Variants in GALNT14 observed in about 807,000 individuals in gnomAD.
GALNT14 encodes the protein UDP-GalNAc:polypeptide N-acetylgalactosaminyltransferase 14.
A neutral mutation model predicts 77.5 loss-of-function variants in GALNT14; 60 were observed. The observed-to-expected ratio is 0.77, with a 90% confidence interval of 0.63 to 0.96. The LOEUF (loss-of-function observed/expected upper bound fraction) is 0.96. Among genes scored for constraint, GALNT14 ranks in the 40% least tolerant of loss-of-function variants. GALNT14 has a pLI of 0.00. For synonymous variants in GALNT14, 280 were observed against 281.7 expected, an observed-to-expected ratio of 0.99 and a Z score of 0.06; for missense variants, 710 against 731.0, an observed-to-expected ratio of 0.97 and a Z score of 0.33.
intron 1 of GALNT14, among the ~76,000 whole-genome samples, chr2:31,088,929 G>A (rs192082707): frequency 6.6e-6 from 1 of 152,278 alleles, no homozygotes; most frequent in African/African-American, 2.4e-5. Flanking sequence ...TAGCAAGAGG[G>A]GAAACAGCAG....
chr2:30,932,425 G>A (rs921713522), intron 9 of GALNT14, among the ~76,000 whole-genome samples: 4 of 152,210 alleles, frequency 2.6e-5, no homozygotes, highest in African/African-American at 7.2e-5. Flanking sequence ...AAACCAACAC[G>A]CTGGCCTCTG....
At position 30,910,926 on chromosome 2, in the gene GALNT14, T is replaced by C. The variant is rs1368956410; in HGVS notation, c.1634A>G (p.Gln545Arg). 6.2e-7 allele frequency: 1 copy of C among 1,613,994 alleles called. No individual in the cohort carries two copies. The highest frequency in any genetic ancestry group is 8.5e-7 in the Non-Finnish European group (1 of 1,180,012). Residue 545 changes from glutamine to arginine, a missense_variant, in exon 15 of 15, where the codon CAG (glutamine) becomes CGG (arginine). Transcript: ENST00000349752. ...TCAAGAGCTCACCATGTCCCAGTGC[T>C]GGCTCATGAGTGAGGACTCACATGG... The part of the protein sequence containing the change: ...VNPCESSLMS[Q>R]HWDMVSS
chr2:31,022,298 A>G (rs1353988408), intron 1 of GALNT14, among the ~76,000 whole-genome samples: 1 of 152,200 alleles, frequency 6.6e-6, no homozygotes, highest in Admixed American at 6.5e-5. Context: ...CACACCCCAA[A>G]TATGGGCGTG....
intron 1 of GALNT14, 45 bp downstream of exon 1, chr2:31,137,913 C>G: frequency 6.4e-7 from 1 of 1,572,002 alleles, no homozygotes; most frequent in South Asian, 1.1e-5. Flanking sequence ...TGCGCGCCCT[C>G]CCGCAAGCCA....
intron 1 of GALNT14, among the ~76,000 whole-genome samples, chr2:31,087,228 T>A (rs998068495): frequency 2.0e-5 from 3 of 152,136 alleles, no homozygotes; most frequent in Non-Finnish European, 4.4e-5. Context: ...CCTTTGTGGC[T>A]GAGGATGAAG....
At chr2:31,079,728 A>T (rs1353894023) in intron 1 of GALNT14, among the ~76,000 whole-genome samples, 1 of 152,196 alleles carries the variant, frequency 6.6e-6, no homozygotes. Flanking sequence ...GGCACAACAC[A>T]AAGTGGTGGT....
At chr2:30,890,705 G>T in the GALNT14 span, among the ~76,000 whole-genome samples, 1 of 152,208 alleles carries the variant, frequency 6.6e-6, no homozygotes, top group Non-Finnish European at 1.5e-5. Context: ...TGAGATGCCA[G>T]TCTGAAGCCA....
intron 1 of GALNT14, among the ~76,000 whole-genome samples, chr2:31,049,145 T>C (rs1359699864): frequency 6.6e-6 from 1 of 152,214 alleles, no homozygotes; most frequent in African/African-American, 2.4e-5. Flanking sequence ...TTGCATGCTT[T>C]CTTTGCAGTC....
chr2:30,901,151 T>A, the GALNT14 span, among the ~76,000 whole-genome samples: 2 of 152,068 alleles, frequency 1.3e-5, no homozygotes, highest in African/African-American at 4.8e-5. Flanking sequence ...GGCAAACCTT[T>A]CCTGAGGCAT....
intron 1 of GALNT14, among the ~76,000 whole-genome samples, chr2:31,008,217 T>C (rs1670797705): frequency 6.6e-6 from 1 of 152,152 alleles, no homozygotes; most frequent in Admixed American, 6.5e-5. Flanking sequence ...CCTGAGTAGC[T>C]GGCTGGGACT....
rs1667556502 is a variant in GALNT14, at chr2:30,959,414, A to G, written c.399-950T>C. Among the ~76,000 whole-genome samples, 3 of 152,242 alleles carry G rather than the reference A, an allele frequency of 2.0e-5. No individual in the cohort carries two copies. In the South Asian group the frequency reaches 6.2e-4, roughly 32 times the overall value. Reference sequence around the variant, plus strand: ...GTCCATAACTATTCCCTCGAGGGATATTTACTGAACACCTACTATGTGCTC... The same window carrying G: ...GTCCATAACTATTCCCTCGAGGGATGTTTACTGAACACCTACTATGTGCTC... On this transcript the variant is annotated intron_variant, in intron 3 of 14. Coordinates refer to ENST00000349752, the MANE Select transcript of GALNT14 (RefSeq NM_024572.4).
intron 1 of GALNT14, among the ~76,000 whole-genome samples, chr2:31,066,118 A>C (rs1674938889): frequency 6.6e-6 from 1 of 152,148 alleles, no homozygotes; most frequent in South Asian, 2.1e-4. Context: ...GGAGGCATAC[A>C]TGACAGGGCC....
intron 11 of GALNT14, among the ~76,000 whole-genome samples, chr2:30,925,460 G>T (rs970271334): frequency 5.3e-5 from 8 of 152,190 alleles, no homozygotes; most frequent in African/African-American, 1.9e-4. Flanking sequence ...TTGCTTGTCG[G>T]GTCCATGGTG....
At chr2:30,899,161 A>G in the GALNT14 span, among the ~76,000 whole-genome samples, 1 of 152,208 alleles carries the variant, frequency 6.6e-6, no homozygotes, top group East Asian at 1.9e-4. Flanking sequence ...ACATGGTCAC[A>G]CTAAAAGCAT....
rs1273247381 is a variant in GALNT14 at position 30,979,428 on chromosome 2, A to T, written c.300-13126T>A. Among the ~76,000 whole-genome samples the T allele has an allele frequency of 2.6e-5, 4 of 152,104 alleles. No individual in the cohort carries two copies. In the East Asian group the frequency reaches 7.7e-4, roughly 29 times the overall value. ...GAGAGGCAGGGCAGGAAGGTGTGGGACAAGGAGTACATGATGCCACCTTAT... is the reference window on the plus strand; with the variant it reads ...GAGAGGCAGGGCAGGAAGGTGTGGGTCAAGGAGTACATGATGCCACCTTAT... On this transcript the variant is annotated intron_variant, in intron 2 of 14. Transcript: ENST00000349752.
At chr2:31,047,254 G>A (rs1353045878) in intron 1 of GALNT14, among the ~76,000 whole-genome samples, 1 of 152,178 alleles carries the variant, frequency 6.6e-6, no homozygotes, top group Admixed American at 6.5e-5. Context: ...AAGCCATGGT[G>A]GGAAGGGAAG....
intron 1 of GALNT14, among the ~76,000 whole-genome samples, chr2:31,064,357 T>A (rs1327274137): frequency 1.3e-5 from 2 of 152,200 alleles, no homozygotes; most frequent in Non-Finnish European, 2.9e-5. Context: ...AAATATTAGA[T>A]CTAGAAACTG....
At chr2:30,920,310 C>T (rs534911847) in intron 13 of GALNT14, among the ~76,000 whole-genome samples, 1 of 152,318 alleles carries the variant, frequency 6.6e-6, no homozygotes, top group South Asian at 2.1e-4. Context: ...ATCTACTTAA[C>T]AGGCTTTTAT....
At chr2:30,962,536 C>A (rs1667754428) in intron 3 of GALNT14, among the ~76,000 whole-genome samples, 1 of 152,234 alleles carries the variant, frequency 6.6e-6, no homozygotes, top group African/African-American at 2.4e-5. Flanking sequence ...AACATGCAGA[C>A]TCACTGCATC....
Sources: gnomAD v4.1 joint callset for allele counts (sites outside exome capture counted in the v4.1 genomes callset) on GRCh38, gnomAD v4.1.1 for gene constraint, MANE v1.5 for transcripts, NCBI Gene and HGNC (gene_info 2026-07-23, HGNC 2026-07-21) for gene names.